Variants in FBXL17 observed in about 807,000 individuals in gnomAD.
The protein encoded by FBXL17 is F-box/LRR-repeat protein 17.
In FBXL17, 22 loss-of-function variants were observed where a neutral mutation model predicts 66.2. That is an observed-to-expected ratio of 0.33 (90% confidence interval 0.24 to 0.47). FBXL17 has a LOEUF of 0.47. Among genes scored for constraint, FBXL17 ranks in the 20% least tolerant of loss-of-function variants. FBXL17 has a pLI of 1.00. For missense variants in FBXL17, 878 were observed against 948.2 expected (o/e 0.93, Z 0.97); for synonymous variants, 474 against 400.5 (o/e 1.18, Z -2.19).
chr5:107,952,379 A>T (rs1478396864), intron 7 of FBXL17, among the ~76,000 whole-genome samples: 2 of 152,236 alleles, frequency 1.3e-5, no homozygotes, highest in African/African-American at 2.4e-5. Context: ...AACTGAAACT[A>T]TTTCAGTATC....
At chr5:108,347,308 A>C (rs1401594717) in intron 4 of FBXL17, among the ~76,000 whole-genome samples, 1 of 152,154 alleles carries the variant, frequency 6.6e-6, no homozygotes, top group Admixed American at 6.5e-5. Context: ...AATACAGTAT[A>C]ATAATCTTAC....
intron 4 of FBXL17, among the ~76,000 whole-genome samples, chr5:108,308,310 T>C (rs1758951519): frequency 6.6e-6 from 1 of 152,066 alleles, no homozygotes; most frequent in Admixed American, 6.6e-5. Flanking sequence ...GTATAGGCAT[T>C]ATAAAAAGCA....
Position 108,039,092 on chromosome 5 carries a change from T to C in FBXL17, c.1746-18091A>G, listed in dbSNP as rs142708958. ...ACCTCTTTAAATGAACAAATACTAATTCCTACCAGGGCAGAAAAGAGGGCC... is the reference window on the plus strand; with the variant it reads ...ACCTCTTTAAATGAACAAATACTAACTCCTACCAGGGCAGAAAAGAGGGCC... On this transcript the variant is annotated intron_variant, in intron 6 of 8. Transcript: ENST00000542267. Among the ~76,000 whole-genome samples the C allele has an allele frequency of 7.9e-5, 12 of 152,218 alleles. No individual in the cohort carries two copies. In the South Asian group the frequency reaches 8.3e-4, roughly 11 times the overall value.
chr5:107,863,135 C>A (rs1748175114), intron 8 of FBXL17, among the ~76,000 whole-genome samples: 1 of 151,292 alleles, frequency 6.6e-6, no homozygotes, highest in Non-Finnish European at 1.5e-5. Flanking sequence ...AAAGCTAAAA[C>A]AATTTTGAAT....
intron 6 of FBXL17, among the ~76,000 whole-genome samples, chr5:108,136,749 G>A (rs952019124): frequency 1.3e-5 from 2 of 152,096 alleles, no homozygotes; most frequent in African/African-American, 4.8e-5. Flanking sequence ...TTCTGTGAGT[G>A]GCTATTATAA....
intron 7 of FBXL17, among the ~76,000 whole-genome samples, chr5:107,942,266 C>T (rs896265637): frequency 6.6e-6 from 1 of 152,154 alleles, no homozygotes; most frequent in African/African-American, 2.4e-5. Flanking sequence ...ACTTTGTCCT[C>T]TTAGAAAGTT....
chr5:108,111,973 A>G (rs985648156), intron 6 of FBXL17, among the ~76,000 whole-genome samples: 1 of 152,200 alleles, frequency 6.6e-6, no homozygotes, highest in African/African-American at 2.4e-5. Context: ...ACAAATGAGG[A>G]CAGCCATATA....
At chr5:107,910,631 A>G (rs1749919965) in intron 7 of FBXL17, among the ~76,000 whole-genome samples, 1 of 152,148 alleles carries the variant, frequency 6.6e-6, no homozygotes, top group Non-Finnish European at 1.5e-5. Context: ...TTTCCAAAGG[A>G]TATAATTGCT....
At chr5:108,240,190 G>T (rs538827308) in intron 4 of FBXL17, among the ~76,000 whole-genome samples, 1 of 152,264 alleles carries the variant, frequency 6.6e-6, no homozygotes, top group East Asian at 1.9e-4. Context: ...AGACATTAAA[G>T]AGGACTTTAT....
At chr5:108,146,590 T>C (rs1007873476) in intron 6 of FBXL17, among the ~76,000 whole-genome samples, 6 of 152,298 alleles carry the variant, frequency 3.9e-5, no homozygotes, top group Non-Finnish European at 7.3e-5. Context: ...TTTTGAGTTA[T>C]AACAAACAGG....
chr5:107,895,795 A>C (rs953510934), intron 7 of FBXL17, among the ~76,000 whole-genome samples: 1 of 152,196 alleles, frequency 6.6e-6, no homozygotes, highest in African/African-American at 2.4e-5. Flanking sequence ...TGTTGTTACC[A>C]AAAACCTATT....
In FBXL17 at chr5:108,214,541, T is replaced by A. The variant is rs182718939; in HGVS notation, c.1614+9580A>T. ...TGCCACTGCACCCAGCTAATTTTTTTAAATATTTTTAGTAGAGACAGCATT... is the reference window on the plus strand; with the variant it reads ...TGCCACTGCACCCAGCTAATTTTTTAAAATATTTTTAGTAGAGACAGCATT... On this transcript the variant is annotated intron_variant, in intron 5 of 8. Coordinates refer to ENST00000542267, the MANE Select transcript of FBXL17 (RefSeq NM_001163315.3). Among the ~76,000 whole-genome samples, 450 of 152,038 alleles carry A rather than the reference T, an allele frequency of 3.0e-3. 2 individuals are homozygous for A. Among genetic ancestry groups the A allele is most frequent in the African/African-American group, 0.01 (423 of 41,452 alleles).
intron 5 of FBXL17, among the ~76,000 whole-genome samples, chr5:108,203,127 C>A (rs1045628452): frequency 1.9e-4 from 29 of 151,650 alleles, no homozygotes; most frequent in African/African-American, 4.8e-4. Context: ...ATAAGTATGT[C>A]AGGACTAACA....
At chr5:107,921,371 A>G (rs1413511420) in intron 7 of FBXL17, among the ~76,000 whole-genome samples, 1 of 152,196 alleles carries the variant, frequency 6.6e-6, no homozygotes, top group African/African-American at 2.4e-5. Flanking sequence ...TATCCCATAC[A>G]TTCCATATAT....
rs572990660 is a variant in FBXL17, at chr5:108,219,889, T to C, written c.1614+4232A>G. 1.3e-4 allele frequency among the ~76,000 whole-genome samples: 20 copies of C among 151,152 alleles called. No homozygotes were observed. In the South Asian group the frequency reaches 4.2e-3, roughly 32 times the overall value. The stretch of plus-strand genomic sequence containing the variant: ...ATTAATTTCCTCTCTTCTTTTTGCT[T>C]TCCATTTCATTGATTTCCTCTTTGA... On this transcript the variant is annotated intron_variant, in intron 5 of 8. Transcript: ENST00000542267.
At chr5:108,377,499 A>G (rs1438735223) in intron 1 of FBXL17, among the ~76,000 whole-genome samples, 5 of 152,230 alleles carry the variant, frequency 3.3e-5, no homozygotes, top group African/African-American at 1.2e-4. Context: ...CCAAACTACA[A>G]TTCTTGCCAA....
intron 6 of FBXL17, among the ~76,000 whole-genome samples, chr5:108,179,427 G>C (rs1369088509): frequency 2.0e-5 from 3 of 152,042 alleles, no homozygotes; most frequent in Non-Finnish European, 4.4e-5. Flanking sequence ...AAAAACAAAA[G>C]AGGGCTTTTT....
intron 4 of FBXL17, among the ~76,000 whole-genome samples, chr5:108,300,039 A>G (rs1758515720): frequency 6.6e-6 from 1 of 152,102 alleles, no homozygotes; most frequent in Non-Finnish European, 1.5e-5. Flanking sequence ...TAAAATTTTA[A>G]AAACCAGAAA....
chr5:108,159,059 A>T (rs1257868871), intron 6 of FBXL17, among the ~76,000 whole-genome samples: 1 of 152,166 alleles, frequency 6.6e-6, no homozygotes, highest in Non-Finnish European at 1.5e-5. Flanking sequence ...GTGGTATTTC[A>T]ATTAGTAATG....
Sources: gnomAD v4.1 joint callset for allele counts (sites outside exome capture counted in the v4.1 genomes callset) on GRCh38, gnomAD v4.1.1 for gene constraint, MANE v1.5 for transcripts, NCBI Gene and HGNC (gene_info 2026-07-23, HGNC 2026-07-21) for gene names.